Variants in NUBPL observed in about 807,000 individuals in gnomAD.
The protein encoded by NUBPL is NUBP iron-sulfur cluster assembly factor, mitochondrial, also known as iron-sulfur cluster transfer protein NUBPL.
Under a neutral mutation model 45.7 loss-of-function variants are expected in NUBPL, and 31 were observed. That is an observed-to-expected ratio of 0.68 (90% CI 0.51 to 0.92). The LOEUF is 0.92. Among genes scored for constraint, NUBPL ranks in the 40% least tolerant of loss-of-function variants. The pLI, the probability that NUBPL is intolerant of heterozygous loss-of-function variation, is 0.00. For synonymous variants in NUBPL, 144 were observed against 140.9 expected (o/e 1.02, Z -0.15); for missense variants, 401 against 398.7 (o/e 1.01, Z -0.05).
chr14:31,693,857 C>CTTTTTTTTT (rs36082577), intron 6 of NUBPL, among the ~76,000 whole-genome samples: 1 of 59,158 alleles, frequency 1.7e-5, no homozygotes. Flanking sequence ...CTTTTCTTTT[C>CTTTTTTTTT]TTTTTTTTTT....
intron 6 of NUBPL, among the ~76,000 whole-genome samples, chr14:31,701,345 G>A (rs528670099): frequency 2.6e-5 from 4 of 152,304 alleles, no homozygotes; most frequent in East Asian, 3.9e-4. Context: ...GATCGTAAAC[G>A]CACCAGTCAG....
intron 3 of NUBPL, among the ~76,000 whole-genome samples, chr14:31,572,661 A>G (rs1009724446): frequency 2.6e-5 from 4 of 152,176 alleles, no homozygotes; most frequent in African/African-American, 4.8e-5. Context: ...TGGCCTACAC[A>G]CTGTTCTTTT....
intron 4 of NUBPL, among the ~76,000 whole-genome samples, chr14:31,656,615 C>T (rs757640276): frequency 2.0e-5 from 3 of 152,018 alleles, no homozygotes; most frequent in Admixed American, 6.6e-5. Context: ...GCTGGTCAGT[C>T]GAGCAGTCAG....
At chr14:31,576,929 A>G (rs1374455875) in intron 3 of NUBPL, among the ~76,000 whole-genome samples, 1 of 152,196 alleles carries the variant, frequency 6.6e-6, no homozygotes, top group Non-Finnish European at 1.5e-5. Flanking sequence ...CTTCCTCAGC[A>G]TGGCAGCCTC....
At chr14:31,815,474 T>C (rs560930591) in intron 7 of NUBPL, among the ~76,000 whole-genome samples, 1 of 152,342 alleles carries the variant, frequency 6.6e-6, no homozygotes, top group Non-Finnish European at 1.5e-5. Context: ...AATCATGTCA[T>C]CTGCAAACAA....
At chr14:31,829,661 GT>G (rs1490800606) in intron 8 of NUBPL, among the ~76,000 whole-genome samples, 1 of 152,222 alleles carries the variant, frequency 6.6e-6, no homozygotes, top group Non-Finnish European at 1.5e-5. Flanking sequence ...CCAGCTCTCT[GT>G]TTTTCCCCCA....
Position 31,826,859 on chromosome 14 carries a change from A to G in NUBPL, c.693+145A>G, listed in dbSNP as rs538856766. 26,715 of 737,250 alleles carry G rather than the reference A, an allele frequency of 0.036. 586 individuals are homozygous for G. Among genetic ancestry groups the G allele is most frequent in the Admixed American group, 0.053 (2,519 of 47,420 alleles). 45.7% of individuals were successfully genotyped at this position (737,250 alleles called of 1,614,324 possible). A position where few individuals can be genotyped will look rare whatever the true frequency, so the allele number is the denominator to read the frequency against. On this transcript the variant is annotated intron_variant, in intron 8 of 10. Transcript: ENST00000281081. ...TAGTTTATCATTTTGGTGACTTTAA[A>G]AACACACTTATAGGTACAAACATGT...
At chr14:31,766,406 A>G (rs1187764462) in intron 6 of NUBPL, among the ~76,000 whole-genome samples, 1 of 152,150 alleles carries the variant, frequency 6.6e-6, no homozygotes, top group Non-Finnish European at 1.5e-5. Context: ...AAAATAAAGG[A>G]TTCTGCTTTT....
At chr14:31,767,272 G>A (rs766936816) in intron 6 of NUBPL, among the ~76,000 whole-genome samples, 17 of 152,102 alleles carry the variant, frequency 1.1e-4, no homozygotes, top group African/African-American at 3.4e-4. Context: ...GCGCGATCTC[G>A]GCTCACTGCA....
chr14:31,735,458 GAAAA>G (rs2038144296), intron 6 of NUBPL, among the ~76,000 whole-genome samples: 2 of 152,160 alleles, frequency 1.3e-5, no homozygotes, highest in African/African-American at 4.8e-5. Flanking sequence ...TCAAATAACT[GAAAA>G]GTATAGGGGA....
chr14:31,703,973 C>A (rs1419720909), intron 6 of NUBPL, among the ~76,000 whole-genome samples: 7 of 152,200 alleles, frequency 4.6e-5, no homozygotes, highest in Non-Finnish European at 8.8e-5. Flanking sequence ...CCTGACATTC[C>A]TACTGGGTCG....
intron 4 of NUBPL, among the ~76,000 whole-genome samples, chr14:31,626,824 G>A (rs1006206746): frequency 1.3e-5 from 2 of 152,206 alleles, no homozygotes; most frequent in African/African-American, 4.8e-5. Context: ...ATTATTACCA[G>A]GGTTGAGTGA....
chr14:31,620,749 T>A (rs532496346), intron 4 of NUBPL, among the ~76,000 whole-genome samples: 1 of 152,296 alleles, frequency 6.6e-6, no homozygotes, highest in East Asian at 1.9e-4. Flanking sequence ...CCAGTCAGGA[T>A]ACACAGGGGT....
At chr14:31,818,972 A>G (rs1007507997) in intron 7 of NUBPL, among the ~76,000 whole-genome samples, 2 of 152,216 alleles carry the variant, frequency 1.3e-5, no homozygotes, top group Non-Finnish European at 2.9e-5. Context: ...GAAAGGAGCA[A>G]GAGATCAAAA....
intron 7 of NUBPL, among the ~76,000 whole-genome samples, chr14:31,813,706 C>A (rs566754763): frequency 1.3e-5 from 2 of 152,100 alleles, no homozygotes; most frequent in Non-Finnish European, 2.9e-5. Context: ...CTCTGACAGA[C>A]CCTGGTGTGT....
chr14:31,763,895 A>G (rs1447511900), intron 6 of NUBPL, among the ~76,000 whole-genome samples: 2 of 152,230 alleles, frequency 1.3e-5, no homozygotes, highest in Non-Finnish European at 2.9e-5. Context: ...CCAACTGATA[A>G]TAAAGGTTTT....
At chr14:31,655,385 G>A (rs767927214) in intron 4 of NUBPL, among the ~76,000 whole-genome samples, 2 of 152,182 alleles carry the variant, frequency 1.3e-5, no homozygotes, top group Non-Finnish European at 2.9e-5. Flanking sequence ...GAGCTCTTGG[G>A]TGTCCAGGTG....
In NUBPL at chr14:31,841,917, CTTT is replaced by C. The variant is rs547795007; in HGVS notation, c.694-4525_694-4523del. Among the ~76,000 whole-genome samples the C allele has an allele frequency of 6.5e-4, 28 of 43,052 alleles. 4 individuals carry two copies. Among genetic ancestry groups the C allele is most frequent in the African/African-American group, 1.4e-3 (15 of 10,816 alleles). The allele number at this position is 43,052 out of a possible 152,430, so 28.2% of individuals were successfully genotyped here. Reference sequence around the variant, plus strand: ...CTTTCATGTATGGGTCGATTCTGGGCTTTTTTTTTTTTTTTTTTTTTTTTTTTT... The same window carrying C: ...CTTTCATGTATGGGTCGATTCTGGGCTTTTTTTTTTTTTTTTTTTTTTTTT... On this transcript the variant is annotated intron_variant, in intron 8 of 10. Transcript: ENST00000281081.
intron 10 of NUBPL, among the ~76,000 whole-genome samples, chr14:31,851,087 T>A (rs2040531294): frequency 6.6e-6 from 1 of 152,138 alleles, no homozygotes; most frequent in Admixed American, 6.5e-5. Flanking sequence ...TTAATCTTTT[T>A]AAAAATAGAA....
Sources: allele counts gnomAD v4.1 joint callset (sites outside exome capture counted in the v4.1 genomes callset), GRCh38; gene constraint gnomAD v4.1.1; transcripts MANE v1.5; gene names NCBI Gene and HGNC (gene_info 2026-07-23, HGNC 2026-07-21).